FAT1: variants seen among roughly 807,000 people sequenced by gnomAD.
FAT1 encodes the protein FAT atypical cadherin 1, also known as protocadherin Fat 1.
Under a neutral mutation model 329.8 loss-of-function variants are expected in FAT1, and 171 were observed. That is an observed-to-expected ratio of 0.52 (90% CI 0.46 to 0.59). The LOEUF is 0.59. Ranked by LOEUF, FAT1 falls within the 20% of genes least tolerant of loss-of-function variation. FAT1 has a pLI of 0.00. For missense variants in FAT1, 5,672 were observed against 5,774.4 expected, an observed-to-expected ratio of 0.98 and a Z score of 0.57; for synonymous variants, 2,233 against 2,228.6, an observed-to-expected ratio of 1.00 and a Z score of -0.06.
intron 7 of FAT1, among the ~76,000 whole-genome samples, chr4:186,631,312 C>A (rs141450954): frequency 6.7e-6 from 1 of 150,216 alleles, no homozygotes. Flanking sequence ...TCCATCCCCG[C>A]GGTATCCTAG....
intron 2 of FAT1, among the ~76,000 whole-genome samples, chr4:186,681,627 C>A (rs1342114828): frequency 6.6e-6 from 1 of 152,204 alleles, no homozygotes; most frequent in African/African-American, 2.4e-5. Flanking sequence ...AAGTCAGAAT[C>A]CACAGCAACG....
chr4:186,724,207 G>T (rs1441931004), upstream of FAT1, among the ~76,000 whole-genome samples: 59 of 113,442 alleles, frequency 5.2e-4, no homozygotes, highest in Non-Finnish European at 9.1e-4. The surrounding 1 kb of genome is among the most constrained non-coding windows in gnomAD (Gnocchi z 5.3). Context: ...AAAAAAAAAG[G>T]CTGGGGCCTA....
rs1052367523 is a variant in FAT1 at position 186,596,856 on chromosome 4, C to T, written c.12684G>A (p.Leu4228=). The T allele has an allele frequency of 6.2e-7, 1 of 1,613,992 alleles. No homozygotes were observed. The highest frequency in any genetic ancestry group is 1.7e-5 in the Admixed American group (1 of 60,024). ...GCTTGGAATCAAAATACGGTCTTTGCAAGAAAGCCGTAGCGGGTCCCAGGT... is the reference window on the plus strand; with the variant it reads ...GCTTGGAATCAAAATACGGTCTTTGTAAGAAAGCCGTAGCGGGTCCCAGGT... ...DKHLGPATAF[L]QRPYFDSKLN... The change falls in exon 25 of 27, where the codon TTG becomes TTA. Residue 4228 remains leucine, a synonymous_variant. Transcript: ENST00000441802. This position sits in a 1 kb window ranked among gnomAD's most constrained non-coding sequence, Gnocchi z 4.7.
rs562702000 is a variant in FAT1, at chr4:186,720,096, A to G, written c.-19+3568T>C. Reference sequence around the variant, plus strand: ...AAAAGGCATACTTCCCAGACTTGCAACAAGTTCAGTAACCAAGCTGTCTTG... The same window carrying G: ...AAAAGGCATACTTCCCAGACTTGCAGCAAGTTCAGTAACCAAGCTGTCTTG... On this transcript the variant is annotated intron_variant, in intron 1 of 26. Transcript: ENST00000441802. Among the ~76,000 whole-genome samples, 6 of 152,368 alleles carry G rather than the reference A, an allele frequency of 3.9e-5. No individual in the cohort carries two copies. In the East Asian group the frequency reaches 1.2e-3, roughly 29 times the overall value.
intron 2 of FAT1, among the ~76,000 whole-genome samples, chr4:186,689,689 T>C (rs1743653400): frequency 6.6e-6 from 1 of 152,206 alleles, no homozygotes; most frequent in Non-Finnish European, 1.5e-5. Context: ...TTGAATGTCC[T>C]TAGCCCAGGG....
chr4:186,627,065 T>C (rs1438925470), intron 9 of FAT1, among the ~76,000 whole-genome samples: 2 of 80,674 alleles, frequency 2.5e-5, no homozygotes, highest in African/African-American at 6.5e-5. Context: ...ACACATAAAG[T>C]GAGCTTCACC....
At chr4:186,691,249 A>G (rs766637148) in intron 2 of FAT1, among the ~76,000 whole-genome samples, 41 of 152,194 alleles carry the variant, frequency 2.7e-4, no homozygotes, top group Non-Finnish European at 5.4e-4. Flanking sequence ...GTTTTGTTTT[A>G]GCTTATACAG....
At chr4:186,655,860 A>G (rs1171588467) in intron 3 of FAT1, among the ~76,000 whole-genome samples, 1 of 152,282 alleles carries the variant, frequency 6.6e-6, no homozygotes, top group Non-Finnish European at 1.5e-5. Context: ...TTGCTTATAT[A>G]CAAGTGAAAG....
intron 4 of FAT1, 149 bp from the exon 5 acceptor site, chr4:186,637,063 A>C: frequency 4.1e-6 from 3 of 727,054 alleles, no homozygotes; most frequent in Admixed American, 2.7e-5. Context: ...CATTCCAACA[A>C]CAGGGCTGTA....
At chr4:186,594,498 C>A (rs913471696) in intron 26 of FAT1, among the ~76,000 whole-genome samples, 3 of 151,388 alleles carry the variant, frequency 2.0e-5, no homozygotes, top group Admixed American at 6.6e-5. Context: ...GAAACAGGAA[C>A]TTCTTAGAAT....
chr4:186,625,947 A>G (rs928467554), intron 9 of FAT1, among the ~76,000 whole-genome samples: 1 of 151,232 alleles, frequency 6.6e-6, no homozygotes, highest in African/African-American at 2.4e-5. Flanking sequence ...ACCAGCCCAC[A>G]GAATGAATGA....
chr4:186,658,856 A>G (rs1742035909), intron 3 of FAT1, among the ~76,000 whole-genome samples: 1 of 152,006 alleles, frequency 6.6e-6, no homozygotes, highest in Admixed American at 6.5e-5. Flanking sequence ...CCTCCACCGG[A>G]CCCGTGAGAG....
At chr4:186,653,414 G>T (rs1741759601) in intron 3 of FAT1, among the ~76,000 whole-genome samples, 2 of 152,170 alleles carry the variant, frequency 1.3e-5, no homozygotes, top group Admixed American at 6.5e-5. Context: ...ACAACCAAGA[G>T]AAGTGAAATA....
In FAT1 at chr4:186,636,255, G is replaced by A. The variant is rs534342691; in HGVS notation, c.3973-20C>T. ...CTTAATCTACAACATTTGGGCAGAG[G>A]GGATTAAAAACAGCAAATCAGGAGT... On this transcript the variant is annotated intron_variant, in intron 5 of 26. Transcript: ENST00000441802. 20 of 1,610,158 alleles carry A rather than the reference G, an allele frequency of 1.2e-5. No individual in the cohort carries two copies. The highest frequency in any genetic ancestry group is 8.3e-5 in the Admixed American group (5 of 59,992).
rs770464508 is a variant in FAT1 at position 186,614,312 on chromosome 4, G to A, written c.9108C>T (p.Val3036=). ...TLYSDTIPED[V]LPGKLIMQIS... is the part of the protein sequence containing the mutation. ...TCTGCATGATCAATTTTCCAGGAAG[G>A]ACGTCTTCAGGAATAGTGTCTGAAT... Residue 3036 remains valine, a synonymous_variant, in exon 12 of 27, where the codon GTC becomes GTT. Transcript: ENST00000441802. 3.3e-5 allele frequency: 52 copies of A among 1,579,094 alleles called. No individual in the cohort carries two copies. The highest frequency in any genetic ancestry group is 4.4e-5 in the Non-Finnish European group (51 of 1,167,588).
chr4:186,659,012 G>A (rs1360770975), intron 3 of FAT1, among the ~76,000 whole-genome samples: 1 of 152,208 alleles, frequency 6.6e-6, no homozygotes, highest in Non-Finnish European at 1.5e-5. Context: ...AGTTAACCAC[G>A]GGCTGCATAT....
In FAT1 at chr4:186,596,768, G is replaced by A. The variant is rs762434384; in HGVS notation, c.12772C>T (p.Pro4258Ser). The A allele has an allele frequency of 2.5e-6, 4 of 1,613,972 alleles. No individual in the cohort carries two copies. Among genetic ancestry groups the A allele is most frequent in the Non-Finnish European group, 3.4e-6 (4 of 1,179,886 alleles). Residue 4258 changes from proline to serine, a missense_variant, in exon 25 of 27, where the codon CCG becomes TCG. Physicochemically the swap from Pro to Ser is moderately conservative, Grantham distance 74. Around this residue, in one of 2 missense-constraint regions of FAT1, gnomAD observed 1,706 missense variants for 1,859.1 expected, o/e 0.92. Transcript: ENST00000441802. This position sits in a 1 kb window ranked among gnomAD's most constrained non-coding sequence, Gnocchi z 4.7. ...QVPVRPISYT[P>S]SIPSDSRNNL... ...TTTCTTGAGTCACTTGGAATACTCG[G>A]GGTGTAGGAAATAGGCCGGACAGGC...
chr4:186,601,587 A>C, intron 20 of FAT1, 161 bp from the exon 21 acceptor site: 5 of 505,064 alleles, frequency 9.9e-6, no homozygotes, highest in Non-Finnish European at 1.7e-5. Flanking sequence ...GCTTAATGAA[A>C]AGCCCAGCAT....
At chr4:186,694,431 G>A (rs1299827359) in intron 2 of FAT1, among the ~76,000 whole-genome samples, 2 of 152,206 alleles carry the variant, frequency 1.3e-5, no homozygotes, top group Non-Finnish European at 1.5e-5. Context: ...GGAAGGTTTA[G>A]AATCAGAGTT....
Sources: gnomAD v4.1 joint callset for allele counts (sites outside exome capture counted in the v4.1 genomes callset) on GRCh38, gnomAD v4.1.1 for gene constraint, gnomAD v4.1.1 regional missense constraint, Gnocchi (gnomAD v3.1) non-coding constraint, MANE v1.5 for transcripts, NCBI Gene and HGNC (gene_info 2026-07-23, HGNC 2026-07-21) for gene names.